Variants in HPSE2 observed in about 807,000 individuals in gnomAD.
HPSE2 encodes the protein inactive heparanase-2.
HPSE2 carries 38 observed loss-of-function variants against 60.5 expected under a neutral mutation model. The observed-to-expected ratio is 0.63, with a 90% CI of 0.48 to 0.82. HPSE2 has a LOEUF of 0.82. Ranked by LOEUF, HPSE2 falls within the 40% of genes least tolerant of loss-of-function variation. The pLI is 0.00. For synonymous variants in HPSE2, 295 were observed against 293.2 expected (o/e 1.01, Z -0.06); for missense variants, 713 against 740.4 (o/e 0.96, Z 0.43).
chr10:99,099,215 C>G (rs1843842332), intron 3 of HPSE2, among the ~76,000 whole-genome samples: 1 of 152,216 alleles, frequency 6.6e-6, no homozygotes, highest in African/African-American at 2.4e-5. Flanking sequence ...CCAGCAAGTG[C>G]AAGGGGTCAG....
At chr10:99,235,922 C>A, upstream of HPSE2, 1 of 759,430 alleles carries the variant, frequency 1.3e-6, no homozygotes, top group South Asian at 1.5e-5. Flanking sequence ...TCCCACCACC[C>A]CCCCAACACA....
intron 3 of HPSE2, among the ~76,000 whole-genome samples, chr10:98,960,495 T>TA (rs1326194196): frequency 1.3e-5 from 2 of 152,038 alleles, no homozygotes; most frequent in Non-Finnish European, 2.9e-5. Flanking sequence ...TGTATGCAGA[T>TA]AAAAAATTAT....
chr10:98,613,120 C>G (rs1383339529), intron 9 of HPSE2, among the ~76,000 whole-genome samples: 3 of 152,294 alleles, frequency 2.0e-5, no homozygotes, highest in East Asian at 1.9e-4. Context: ...CTTTCCTGCA[C>G]ATGTACCCTG....
At chr10:98,723,214 G>A (rs1212421472) in intron 4 of HPSE2, among the ~76,000 whole-genome samples, 1 of 152,178 alleles carries the variant, frequency 6.6e-6, no homozygotes, top group Non-Finnish European at 1.5e-5. Context: ...TGCATCTATT[G>A]AGATAATCAT....
At chr10:99,153,919 A>G (rs1306148865) in intron 2 of HPSE2, among the ~76,000 whole-genome samples, 16 of 152,018 alleles carry the variant, frequency 1.1e-4, no homozygotes, top group Middle Eastern at 3.4e-3. Context: ...GAGCTGATGG[A>G]GCTGAAAACC....
intron 9 of HPSE2, among the ~76,000 whole-genome samples, chr10:98,594,034 T>C (rs1026074046): frequency 6.6e-6 from 1 of 152,172 alleles, no homozygotes; most frequent in Non-Finnish European, 1.5e-5. Context: ...CAAATAAAAA[T>C]TATACATATA....
At chr10:98,504,948 G>GTGT (rs1258822728) in intron 9 of HPSE2, among the ~76,000 whole-genome samples, 4 of 152,042 alleles carry the variant, frequency 2.6e-5, no homozygotes, top group Non-Finnish European at 5.9e-5. Flanking sequence ...TTATAAAAAT[G>GTGT]GTACGTAATT....
chr10:98,921,322 C>A (rs1564657441), intron 3 of HPSE2, among the ~76,000 whole-genome samples: 1 of 152,128 alleles, frequency 6.6e-6, no homozygotes, highest in Non-Finnish European at 1.5e-5. Flanking sequence ...TTTATCTACA[C>A]TGAAGAAACC....
chr10:98,962,293 G>A (rs1180254988), intron 3 of HPSE2, among the ~76,000 whole-genome samples: 1 of 132,872 alleles, frequency 7.5e-6, no homozygotes, highest in Non-Finnish European at 1.6e-5. Context: ...GTCATTGGTA[G>A]CTTGATGGGG....
At chr10:98,754,404 A>G (rs531296553) in intron 3 of HPSE2, among the ~76,000 whole-genome samples, 1 of 152,176 alleles carries the variant, frequency 6.6e-6, no homozygotes, top group South Asian at 2.1e-4. Context: ...TTGAAAGGAG[A>G]GAGAGAGCAC....
chr10:99,228,928 C>A (rs550821779), intron 2 of HPSE2, among the ~76,000 whole-genome samples: 50 of 151,484 alleles, frequency 3.3e-4, no homozygotes, highest in African/African-American at 1.2e-3. Context: ...AATCCCAGCA[C>A]TTTGGGGAGG....
chr10:98,903,112 C>T (rs1444544750), intron 3 of HPSE2, among the ~76,000 whole-genome samples: 2 of 152,088 alleles, frequency 1.3e-5, no homozygotes. Flanking sequence ...AGTACTTTTA[C>T]AAGCAACAAC....
the HPSE2 span, among the ~76,000 whole-genome samples, chr10:99,287,753 G>A: frequency 7.2e-5 from 11 of 152,158 alleles, no homozygotes; most frequent in Non-Finnish European, 1.5e-4. Flanking sequence ...ATATCTCAAT[G>A]TAGAGATGTA....
chr10:99,031,871 C>T (rs972880482), intron 3 of HPSE2, among the ~76,000 whole-genome samples: 28 of 152,114 alleles, frequency 1.8e-4, no homozygotes, highest in African/African-American at 6.0e-4. Context: ...TGGCTCAGCA[C>T]TTTTTACGTT....
chr10:99,109,720 G>C (rs563787156), intron 3 of HPSE2, among the ~76,000 whole-genome samples: 2 of 152,298 alleles, frequency 1.3e-5, no homozygotes, highest in East Asian at 3.9e-4. Flanking sequence ...CTTCTACAAA[G>C]AGGTTAAAGA....
intron 3 of HPSE2, among the ~76,000 whole-genome samples, chr10:98,749,982 G>A (rs1565135231): frequency 1.0e-5 from 1 of 97,730 alleles, no homozygotes; most frequent in African/African-American, 3.3e-5. Context: ...ATATTGCAAT[G>A]AGCAAAACAG....
intron 3 of HPSE2, among the ~76,000 whole-genome samples, chr10:98,744,684 C>A (rs937276927): frequency 1.3e-5 from 2 of 152,022 alleles, no homozygotes; most frequent in Admixed American, 1.3e-4. Context: ...GAAGATTTCA[C>A]AAAGTAGCTG....
At chr10:98,679,595 A>G (rs1280772371) in intron 6 of HPSE2, among the ~76,000 whole-genome samples, 1 of 152,126 alleles carries the variant, frequency 6.6e-6, no homozygotes, top group Non-Finnish European at 1.5e-5. Flanking sequence ...TGCTATAACC[A>G]GTATAAGCTC....
chr10:99,107,896 G>T (rs1844309977), intron 3 of HPSE2, among the ~76,000 whole-genome samples: 1 of 152,158 alleles, frequency 6.6e-6, no homozygotes, highest in African/African-American at 2.4e-5. Context: ...TTCTAAAAGA[G>T]CATCCTATTA....
Sources: gnomAD v4.1 joint callset for allele counts (sites outside exome capture counted in the v4.1 genomes callset) on GRCh38, gnomAD v4.1.1 for gene constraint, MANE v1.5 for transcripts, NCBI Gene and HGNC (gene_info 2026-07-23, HGNC 2026-07-21) for gene names.